ARHGAP31: variants seen among roughly 807,000 people sequenced by gnomAD.
ARHGAP31 encodes Rho GTPase activating protein 31, also known as rho GTPase-activating protein 31.
In ARHGAP31, 34 loss-of-function variants were observed where a neutral mutation model predicts 113.9. The observed-to-expected ratio is 0.30, with a 90% CI of 0.23 to 0.40. ARHGAP31 has a LOEUF of 0.40. Ranked by LOEUF, ARHGAP31 falls within the 10% of genes least tolerant of loss-of-function variation. ARHGAP31 has a pLI of 1.00. For missense variants in ARHGAP31, 1,548 were observed against 1,767.1 expected, an observed-to-expected ratio of 0.88 and a Z score of 2.22; for synonymous variants, 650 against 684.8, an observed-to-expected ratio of 0.95 and a Z score of 0.79.
intron 1 of ARHGAP31, among the ~76,000 whole-genome samples, chr3:119,351,784 C>T (rs139352052): frequency 3.9e-5 from 6 of 152,334 alleles, no homozygotes; most frequent in African/African-American, 1.4e-4. Flanking sequence ...CTCTCAGGCA[C>T]ATGCGGCCGT....
intron 1 of ARHGAP31, among the ~76,000 whole-genome samples, chr3:119,315,660 C>T (rs1210146000): frequency 1.3e-5 from 2 of 152,168 alleles, no homozygotes; most frequent in African/African-American, 4.8e-5. Flanking sequence ...GCCTTACAAA[C>T]CTTTGGTGGT....
chr3:119,408,880 C>T (rs2080689392), intron 10 of ARHGAP31, among the ~76,000 whole-genome samples: 1 of 152,152 alleles, frequency 6.6e-6, no homozygotes, highest in South Asian at 2.1e-4. Flanking sequence ...TCCAAATTGA[C>T]AGGAGATAAC....
intron 1 of ARHGAP31, among the ~76,000 whole-genome samples, chr3:119,299,999 C>T (rs534736382): frequency 6.6e-6 from 1 of 152,308 alleles, no homozygotes; most frequent in South Asian, 2.1e-4. Flanking sequence ...TCCTTTGGGT[C>T]TCAGCTTTGG....
intron 2 of ARHGAP31, among the ~76,000 whole-genome samples, chr3:119,367,655 G>A (rs977285294): frequency 2.0e-5 from 3 of 152,018 alleles, no homozygotes; most frequent in Admixed American, 6.6e-5. Context: ...TCAGGAGATC[G>A]AGACCATCCT....
At chr3:119,372,082 G>A (rs539911585) in intron 3 of ARHGAP31, among the ~76,000 whole-genome samples, 43 of 152,248 alleles carry the variant, frequency 2.8e-4, no homozygotes, top group Middle Eastern at 6.8e-3. Flanking sequence ...GTGTGCATGC[G>A]TCTTACGGTA....
chr3:119,318,964 CA>C (rs569295010), intron 1 of ARHGAP31, among the ~76,000 whole-genome samples: 3 of 151,114 alleles, frequency 2.0e-5, no homozygotes, highest in African/African-American at 7.3e-5. Context: ...TCCAAAAAAA[CA>C]AAAAAAATGC....
chr3:119,404,597 A>T (rs1440608624), intron 10 of ARHGAP31, among the ~76,000 whole-genome samples: 5 of 152,216 alleles, frequency 3.3e-5, no homozygotes, highest in Non-Finnish European at 7.4e-5. Flanking sequence ...GTTGTGCAGT[A>T]GCAGGGGGCA....
intron 8 of ARHGAP31, among the ~76,000 whole-genome samples, chr3:119,395,980 T>C (rs1200048281): frequency 6.6e-6 from 1 of 152,078 alleles, no homozygotes; most frequent in Non-Finnish European, 1.5e-5. Context: ...TCCTAATCTA[T>C]GAAAAGAGAT....
chr3:119,309,957 T>C (rs2079664715), intron 1 of ARHGAP31, among the ~76,000 whole-genome samples: 2 of 151,880 alleles, frequency 1.3e-5, no homozygotes, highest in South Asian at 4.2e-4. Context: ...CTGTTTTTTT[T>C]TTTTTTTAAT....
At chr3:119,329,761 T>G in intron 1 of ARHGAP31, 1 of 977,816 alleles carries the variant, frequency 1.0e-6, no homozygotes, top group Non-Finnish European at 1.2e-6. Context: ...GAGCTCACGC[T>G]CATTCCACAG....
At chr3:119,336,973 CTTAT>C (rs1288417789) in intron 1 of ARHGAP31, among the ~76,000 whole-genome samples, 1 of 152,188 alleles carries the variant, frequency 6.6e-6, no homozygotes, top group Non-Finnish European at 1.5e-5. Flanking sequence ...CACATTAAAG[CTTAT>C]GTTAGTACTT....
At chr3:119,333,552 TATC>T (rs2079915562) in intron 1 of ARHGAP31, among the ~76,000 whole-genome samples, 1 of 152,248 alleles carries the variant, frequency 6.6e-6, no homozygotes, top group Non-Finnish European at 1.5e-5. Context: ...CCTACTTTAT[TATC>T]ATATTAGAGA....
At chr3:119,345,894 C>T (rs533471803) in intron 1 of ARHGAP31, among the ~76,000 whole-genome samples, 2 of 152,264 alleles carry the variant, frequency 1.3e-5, no homozygotes, top group African/African-American at 4.8e-5. Context: ...TAAGTCATGA[C>T]GGGCTCTGTT....
chr3:119,326,940 C>T (rs2079849569), intron 1 of ARHGAP31, among the ~76,000 whole-genome samples: 1 of 152,240 alleles, frequency 6.6e-6, no homozygotes, highest in South Asian at 2.1e-4. Context: ...AAATTCAAGA[C>T]CAGCCTGGGC....
chr3:119,357,037 A>G (rs2080164457), intron 1 of ARHGAP31, among the ~76,000 whole-genome samples: 1 of 152,232 alleles, frequency 6.6e-6, no homozygotes, highest in African/African-American at 2.4e-5. Context: ...TTGTTTTCCC[A>G]TAGCCTTGCC....
intron 1 of ARHGAP31, among the ~76,000 whole-genome samples, chr3:119,355,909 A>C (rs2107618606): frequency 6.6e-6 from 1 of 152,222 alleles, no homozygotes; most frequent in East Asian, 1.9e-4. Flanking sequence ...GATTGGTTCC[A>C]AGTCTTTGCT....
intron 6 of ARHGAP31, among the ~76,000 whole-genome samples, chr3:119,387,450 T>A (rs1033249659): frequency 6.6e-6 from 1 of 152,350 alleles, no homozygotes; most frequent in South Asian, 2.1e-4. Context: ...AAGATCTATA[T>A]CTGGTATAAC....
At position 119,382,413 on chromosome 3, in the gene ARHGAP31, C is replaced by A. The variant is rs755836892; in HGVS notation, c.539+14C>A. ...AAACCTCCTCAGGTAACCACTCTAC[C>A]CTCCCCTTGTCACCAGCCCAGGGGG... On this transcript the variant is annotated intron_variant, in intron 5 of 11. Coordinates refer to ENST00000264245, the MANE Select transcript of ARHGAP31 (RefSeq NM_020754.4). 1.7e-5 allele frequency: 28 copies of A among 1,611,118 alleles called. No homozygotes were observed. Among genetic ancestry groups the A allele is most frequent in the Non-Finnish European group, 2.2e-5 (26 of 1,177,218 alleles).
At chr3:119,307,258 A>G (rs1458750233) in intron 1 of ARHGAP31, among the ~76,000 whole-genome samples, 2 of 152,218 alleles carry the variant, frequency 1.3e-5, no homozygotes, top group African/African-American at 4.8e-5. Context: ...TTATGATGAT[A>G]ATGGTACCTA....
Sources: allele counts gnomAD v4.1 joint callset (sites outside exome capture counted in the v4.1 genomes callset), GRCh38; gene constraint gnomAD v4.1.1; transcripts MANE v1.5; gene names NCBI Gene and HGNC (gene_info 2026-07-23, HGNC 2026-07-21).